GAD1: variants seen among roughly 807,000 people sequenced by gnomAD.
GAD1 encodes the protein glutamate decarboxylase 1.
Under a neutral mutation model 75.2 loss-of-function variants are expected in GAD1, and 35 were observed. The ratio of observed to expected loss-of-function variants is 0.47; its 90% CI spans 0.36 to 0.62. The LOEUF (loss-of-function observed/expected upper bound fraction) is 0.62, where lower values mean the gene tolerates loss of function less well. Among genes scored for constraint, GAD1 ranks in the 20% least tolerant of loss-of-function variants. The probability of loss-of-function intolerance (pLI) is 0.00; values close to 1 mark genes in which losing one functional copy is unlikely to be tolerated. For synonymous variants in GAD1, 257 were observed against 271.9 expected (o/e 0.95, Z 0.54); for missense variants, 490 against 758.5 (o/e 0.65, Z 4.16).
intron 14 of GAD1, among the ~76,000 whole-genome samples, chr2:170,856,691 T>C (rs1221948738): frequency 2.0e-5 from 3 of 152,240 alleles, no homozygotes; most frequent in African/African-American, 7.2e-5. Context: ...ACTCATTTGA[T>C]TGTAGACCAG....
At position 170,818,633 on chromosome 2, in the gene GAD1, C is replaced by A; in HGVS notation, c.42C>A (p.Asn14Lys). The A allele has an allele frequency of 6.2e-7, 1 of 1,614,160 alleles. No homozygotes were observed. Among genetic ancestry groups the A allele is most frequent in the South Asian group, 1.1e-5 (1 of 91,082 alleles). ...CATCTTCGTCCGCAACCTCCTCGAA[C>A]GCGGGAGCGGACCCCAATACCACTA... ...STPSSSATSSNAGADPNTTNL... is the reference protein window; with the variant it reads ...STPSSSATSSKAGADPNTTNL... Residue 14 changes from asparagine to lysine, a missense_variant, in exon 2 of 17, where the codon AAC becomes AAA. Asn to Lys is a moderately conservative substitution (Grantham distance 94). Around this residue, in one of 3 missense-constraint regions of GAD1, gnomAD observed 165 missense variants for 216.4 expected, o/e 0.76. Transcript: ENST00000358196. The surrounding 1 kb of genome is among the most constrained non-coding windows in gnomAD (Gnocchi z 5.9).
chr2:170,833,411 A>G (rs780611756), intron 5 of GAD1, among the ~76,000 whole-genome samples: 1 of 152,250 alleles, frequency 6.6e-6, no homozygotes, highest in Admixed American at 6.5e-5. Flanking sequence ...CACTCTATCA[A>G]TTTACATTTA....
chr2:170,819,495 T>G (rs1159195556), intron 2 of GAD1, among the ~76,000 whole-genome samples: 1 of 152,100 alleles, frequency 6.6e-6, no homozygotes, highest in African/African-American at 2.4e-5. Flanking sequence ...GGGGAGGATT[T>G]ATGCTTCCCT....
intron 6 of GAD1, among the ~76,000 whole-genome samples, chr2:170,838,078 G>C (rs1702418171): frequency 6.6e-6 from 1 of 152,158 alleles, no homozygotes; most frequent in African/African-American, 2.4e-5. Flanking sequence ...CTGTTTTCTT[G>C]GCTAATTTAA....
upstream of GAD1, chr2:170,816,474 G>T (rs1418976974): frequency 1.3e-5 from 2 of 151,978 alleles, no homozygotes; most frequent in African/African-American, 4.8e-5. Context: ...AGGCAAAACC[G>T]CCGCTCGTCT....
intron 3 of GAD1, among the ~76,000 whole-genome samples, chr2:170,822,530 A>G (rs900754964): frequency 1.3e-5 from 2 of 152,242 alleles, no homozygotes; most frequent in African/African-American, 4.8e-5. Flanking sequence ...AAGGTCGCGT[A>G]GAAAAGGTGA....
At chr2:170,858,315 T>G (rs373626836) in intron 15 of GAD1, among the ~76,000 whole-genome samples, 114 of 152,256 alleles carry the variant, frequency 7.5e-4, no homozygotes, top group African/African-American at 2.7e-3. Flanking sequence ...GTAGAAACAG[T>G]CTTTTGGTTT....
At position 170,859,858 on chromosome 2, in the gene GAD1, A is replaced by G. The variant is rs1249788198; in HGVS notation, c.1761A>G (p.Ile587Met). ...ACATTGACTTCCTCATTGAGGAGAT[A>G]GAAAGACTGGGCCAGGATCTGTAAT... ...QSDIDFLIEE[I>M]ERLGQDL The change falls in exon 17 of 17, where the codon ATA becomes ATG. Residue 587 changes from isoleucine to methionine, a missense_variant. Physicochemically the swap from Ile to Met is conservative, Grantham distance 10. Transcript: ENST00000358196. 1.2e-6 allele frequency: 2 copies of G among 1,614,094 alleles called. No individual in the cohort carries two copies. The highest frequency in any genetic ancestry group is 8.5e-7 in the Non-Finnish European group (1 of 1,180,050).
Position 170,823,566 on chromosome 2 carries a change from G to A in GAD1, c.145+1417G>A, listed in dbSNP as rs561835991. 5.8e-4 allele frequency among the ~76,000 whole-genome samples: 88 copies of A among 152,268 alleles called. 1 individual carries two copies. The East Asian group carries it at 0.016, about 28-fold the overall frequency. On this transcript the variant is annotated intron_variant, in intron 3 of 16. Transcript: ENST00000358196. ...TTCTCCCCAGCGCAGGACGCCCGTG[G>A]GGCAAGGCCAGGGCTGCATCCCTGT...
At chr2:170,832,109 G>C (rs1702247249) in intron 5 of GAD1, among the ~76,000 whole-genome samples, 1 of 152,022 alleles carries the variant, frequency 6.6e-6, no homozygotes, top group Non-Finnish European at 1.5e-5. Flanking sequence ...CCTGACACTG[G>C]GGAGAATTGG....
intron 13 of GAD1, 35 bp downstream of exon 13, chr2:170,852,827 T>G: frequency 2.5e-6 from 4 of 1,582,356 alleles, no homozygotes; most frequent in Non-Finnish European, 3.5e-6. Context: ...CTGGGGCCCG[T>G]ACGTTCTTTA....
At chr2:170,843,493 C>CT (rs1300588983) in intron 6 of GAD1, among the ~76,000 whole-genome samples, 1 of 152,122 alleles carries the variant, frequency 6.6e-6, no homozygotes, top group Non-Finnish European at 1.5e-5. Context: ...ATATTGAGAT[C>CT]TTTAAAACCT....
At chr2:170,823,124 TC>T (rs1171628842) in intron 3 of GAD1, among the ~76,000 whole-genome samples, 13 of 152,116 alleles carry the variant, frequency 8.5e-5, no homozygotes, top group Non-Finnish European at 1.8e-4. Flanking sequence ...AATACGGATG[TC>T]CCCGGGCAGA....
rs1702938156 is a variant in GAD1, at chr2:170,860,284, C to T, written c.*402C>T. ...AAACTGTTTTTCAAAACGCCATGTC[C>T]TAGGGGCCGAGGGAAATGCTGTTGG... On this transcript the variant is annotated 3_prime_UTR_variant, in exon 17 of 17. Coordinates refer to ENST00000358196, the MANE Select transcript of GAD1 (RefSeq NM_000817.3). 4.8e-6 allele frequency: 1 copy of T among 206,196 alleles called. No homozygotes were observed. Among genetic ancestry groups the T allele is most frequent in the Admixed American group, 5.3e-5 (1 of 18,858 alleles). The allele number at this position is 206,196 out of a possible 1,614,324, so 12.8% of individuals were successfully genotyped here.
intron 10 of GAD1, among the ~76,000 whole-genome samples, chr2:170,846,635 G>T (rs1328540954): frequency 1.3e-5 from 2 of 152,166 alleles, no homozygotes; most frequent in Admixed American, 1.3e-4. Context: ...GTAGTTATTT[G>T]CTGGGGTCTT....
intron 11 of GAD1, among the ~76,000 whole-genome samples, chr2:170,848,359 G>T (rs915733198): frequency 1.3e-5 from 2 of 152,046 alleles, no homozygotes; most frequent in African/African-American, 4.8e-5. Flanking sequence ...TTAGCTGGGT[G>T]TGGTGGCATG....
chr2:170,822,893 G>C, intron 3 of GAD1, among the ~76,000 whole-genome samples: 1 of 152,322 alleles, frequency 6.6e-6, no homozygotes, highest in South Asian at 2.1e-4. Context: ...CGAAAGAACC[G>C]GGAAGGAAGA....
chr2:170,847,543 A>G (rs920456581), intron 10 of GAD1, 133 bp from the exon 11 acceptor site: 2 of 763,412 alleles, frequency 2.6e-6, no homozygotes, highest in Non-Finnish European at 2.4e-6. Flanking sequence ...ACTACTAGAC[A>G]TAGTATCTGG....
chr2:170,821,927 C>T, intron 2 of GAD1, 160 bp from the exon 3 acceptor site: 1 of 682,288 alleles, frequency 1.5e-6, no homozygotes, highest in Middle Eastern at 2.4e-4. Flanking sequence ...ATATGCCTGT[C>T]GGCTCACAGA....
Sources: allele counts gnomAD v4.1 joint callset (sites outside exome capture counted in the v4.1 genomes callset), GRCh38; gene constraint gnomAD v4.1.1; regional missense constraint gnomAD v4.1.1; non-coding constraint Gnocchi (gnomAD v3.1); transcripts MANE v1.5; gene names NCBI Gene and HGNC (gene_info 2026-07-23, HGNC 2026-07-21).